Variants in CCDC88C observed in about 807,000 individuals in gnomAD.
The protein encoded by CCDC88C is protein Daple.
In CCDC88C, 131 loss-of-function variants were observed where a neutral mutation model predicts 198.8. The ratio of observed to expected loss-of-function variants is 0.66; its 90% CI spans 0.57 to 0.76. The LOEUF is 0.76. Ranked by LOEUF, CCDC88C falls within the 30% of genes least tolerant of loss-of-function variation. The probability of loss-of-function intolerance (pLI) is 0.00; values close to 1 mark genes in which losing one functional copy is unlikely to be tolerated. For synonymous variants in CCDC88C, 1,166 were observed against 1,114.7 expected (o/e 1.05, Z -0.92); for missense variants, 2,553 against 2,631.6 (o/e 0.97, Z 0.65).
At chr14:91,327,854 G>A (rs1489188828) in intron 10 of CCDC88C, among the ~76,000 whole-genome samples, 1 of 152,180 alleles carries the variant, frequency 6.6e-6, no homozygotes, top group African/African-American at 2.4e-5. Context: ...GCTGCCTGCT[G>A]CTTCACCCTC....
At chr14:91,289,006 C>G (rs913312815) in intron 25 of CCDC88C, 99 bp downstream of exon 25, 1 of 960,706 alleles carries the variant, frequency 1.0e-6, no homozygotes, top group South Asian at 1.4e-5. Context: ...AGTCACCCAC[C>G]CCTGGCACGT....
chr14:91,375,885 C>T (rs571124030), intron 3 of CCDC88C, among the ~76,000 whole-genome samples: 66 of 152,340 alleles, frequency 4.3e-4, no homozygotes, highest in Middle Eastern at 6.8e-3. Context: ...GGGCAGGTGC[C>T]GTAACTGTGC....
At chr14:91,280,375 C>A (rs1567047217) in intron 27 of CCDC88C, among the ~76,000 whole-genome samples, 1 of 152,204 alleles carries the variant, frequency 6.6e-6, no homozygotes, top group Non-Finnish European at 1.5e-5. Context: ...CACCTGCTAG[C>A]AAATATGTTT....
chr14:91,369,894 T>C (rs1894709818), intron 3 of CCDC88C, among the ~76,000 whole-genome samples: 2 of 152,138 alleles, frequency 1.3e-5, no homozygotes, highest in Non-Finnish European at 2.9e-5. Context: ...CGTGTCTCCG[T>C]ACCCAGGGAC....
chr14:91,408,641 C>G lies in CCDC88C; in HGVS notation c.270+18G>C. The G allele has an allele frequency of 6.7e-7, 1 of 1,483,170 alleles. No individual in the cohort carries two copies. The highest frequency in any genetic ancestry group is 1.7e-5 in the Admixed American group (1 of 59,718). 91.9% of individuals were successfully genotyped at this position (1,483,170 alleles called of 1,614,324 possible). On this transcript the variant is annotated intron_variant, in intron 3 of 29. Coordinates refer to ENST00000389857, the MANE Select transcript of CCDC88C (RefSeq NM_001080414.4). ...GATGGACACACATCAGAATTCCCGA[C>G]AGCAGAACTGCCCTTACCTGGTAGT...
chr14:91,331,517 T>A (rs1000162889), intron 10 of CCDC88C, among the ~76,000 whole-genome samples: 4 of 151,884 alleles, frequency 2.6e-5, no homozygotes, highest in Non-Finnish European at 4.4e-5. Flanking sequence ...AGAGTGTGCA[T>A]GTGCACACGT....
At position 91,273,454 on chromosome 14, in the gene CCDC88C, G is replaced by T. The variant is rs1281387913; in HGVS notation, c.5258C>A (p.Pro1753Gln). The T allele has an allele frequency of 6.3e-7, 1 of 1,589,924 alleles. No homozygotes were observed. The highest frequency in any genetic ancestry group is 1.8e-5 in the Admixed American group (1 of 56,528). The change falls in exon 30 of 30, where the codon CCA (proline) becomes CAA (glutamine). Residue 1753 changes from proline (P) to glutamine (Q), a missense_variant. Physicochemically the swap from Pro to Gln is moderately conservative, Grantham distance 76 (BLOSUM62 -1). Around this residue, in one of 2 missense-constraint regions of CCDC88C, gnomAD observed 1,293 missense variants for 1,219.6 expected, o/e 1.06. Coordinates refer to ENST00000389857, the MANE Select transcript of CCDC88C (RefSeq NM_001080414.4). The surrounding 1 kb of genome is among the most constrained non-coding windows in gnomAD (Gnocchi z 5.6). ...CTCGGCCTCAGTCAGTCTGAAGTTTGGCTTTACGTACTGCCCGGGCTTCAG... is the reference window on the plus strand; with the variant it reads ...CTCGGCCTCAGTCAGTCTGAAGTTTTGCTTTACGTACTGCCCGGGCTTCAG... ...RPLKPGQYVK[P>Q]NFRLTEAEAP...
intron 3 of CCDC88C, among the ~76,000 whole-genome samples, chr14:91,385,489 T>C (rs1304234857): frequency 6.6e-6 from 1 of 152,174 alleles, no homozygotes; most frequent in Non-Finnish European, 1.5e-5. Flanking sequence ...TCTCGCAGCT[T>C]GCCCAGCCCT....
At position 91,273,126 on chromosome 14, in the gene CCDC88C, T is replaced by C. The variant is rs777198297; in HGVS notation, c.5586A>G (p.Pro1862=). ...AGGAGCTGCCAGCCTTTCCCACAAG[T>C]GGGGTCCGCTCCCGGGCCAGGCTAT... is the stretch of plus-strand genomic sequence containing the variant. ...SSHSLARERT[P]LVGKAGSSCQ... The change falls in exon 30 of 30, where the codon CCA becomes CCG. Residue 1862 remains proline, a synonymous_variant. Coordinates refer to ENST00000389857, the MANE Select transcript of CCDC88C (RefSeq NM_001080414.4). The surrounding 1 kb of genome is among the most constrained non-coding windows in gnomAD (Gnocchi z 5.6). 3.8e-6 allele frequency: 6 copies of C among 1,574,098 alleles called. No individual in the cohort carries two copies. The South Asian group carries it at 5.8e-5, about 15-fold the overall frequency.
Position 91,352,387 on chromosome 14 carries a change from C to T in CCDC88C, c.340+7255G>A, listed in dbSNP as rs1209552751. ...TCCTAGGAAAGGAAAGCCTCGGCTCCTGGCTTAAGTGCCCCAGCACCGCAC... is the reference window on the plus strand; with the variant it reads ...TCCTAGGAAAGGAAAGCCTCGGCTCTTGGCTTAAGTGCCCCAGCACCGCAC... On this transcript the variant is annotated intron_variant, in intron 4 of 29. Transcript: ENST00000389857. This position sits in a 1 kb window ranked among gnomAD's most constrained non-coding sequence, Gnocchi z 4.2. Among the ~76,000 whole-genome samples, 1 of 152,214 alleles carries T rather than the reference C, an allele frequency of 6.6e-6. No homozygotes were observed. Among genetic ancestry groups the T allele is most frequent in the Non-Finnish European group, 1.5e-5 (1 of 68,040 alleles).
At chr14:91,398,153 C>A (rs1302462245) in intron 3 of CCDC88C, among the ~76,000 whole-genome samples, 1 of 152,162 alleles carries the variant, frequency 6.6e-6, no homozygotes, top group East Asian at 1.9e-4. Context: ...GATCTGAGTC[C>A]CACAGTTCCT....
rs749559761 is a variant in CCDC88C at position 91,315,674 on chromosome 14, G to C, written c.1641C>G (p.Thr547=). 1.9e-6 allele frequency: 3 copies of C among 1,613,740 alleles called. No individual in the cohort carries two copies. Among genetic ancestry groups the C allele is most frequent in the Non-Finnish European group, 2.5e-6 (3 of 1,179,876 alleles). Residue 547 remains threonine (T), a synonymous_variant, in exon 14 of 30, where the codon ACC becomes ACG. Transcript: ENST00000389857. ...CCTGCCTGGCTTTGTCAGCCTTCAG[G>C]GTCTCCATGTCACTCTGCAGCTGCT... ...EKEQLQSDME[T]LKADKARQIK...
chr14:91,374,077 G>A (rs575569231), intron 3 of CCDC88C, among the ~76,000 whole-genome samples: 2 of 152,364 alleles, frequency 1.3e-5, no homozygotes, highest in East Asian at 1.9e-4. Flanking sequence ...GCACAGTGTG[G>A]CCCACAGCAG....
intron 3 of CCDC88C, among the ~76,000 whole-genome samples, chr14:91,387,185 G>A (rs1464572911): frequency 1.3e-5 from 2 of 152,038 alleles, no homozygotes; most frequent in Admixed American, 1.3e-4. Flanking sequence ...TCAACCACGG[G>A]GCTCTAAACA....
chr14:91,303,606 C>G, intron 20 of CCDC88C, 95 bp downstream of exon 20: 1 of 1,322,618 alleles, frequency 7.6e-7, no homozygotes, highest in Non-Finnish European at 1.0e-6. Context: ...CCCTAGGTCC[C>G]ACCCATCTAC....
chr14:91,283,475 CCT>C lies in CCDC88C; in HGVS notation c.4482_4483del (p.Gly1495GlnfsTer3). 6.2e-7 allele frequency: 1 copy of C among 1,612,936 alleles called. No homozygotes were observed. Among genetic ancestry groups the C allele is most frequent in the Non-Finnish European group, 8.5e-7 (1 of 1,179,522 alleles). On this transcript the variant is annotated frameshift_variant, in exon 26 of 30. Coordinates refer to ENST00000389857, the MANE Select transcript of CCDC88C (RefSeq NM_001080414.4). LOFTEE classifies it high-confidence loss of function. ...GGAGGCATCTGTGCGGTCAAGGCTGCCTCTGTGTGGGGAGCCTCGCTTTGGTT... is the reference window on the plus strand; with the variant it reads ...GGAGGCATCTGTGCGGTCAAGGCTGCCTGTGTGGGGAGCCTCGCTTTGGTT...
chr14:91,339,815 G>A lies in CCDC88C; in HGVS notation c.624+69C>T. The A allele has an allele frequency of 3.4e-6, 5 of 1,470,234 alleles. No homozygotes were observed. The highest frequency in any genetic ancestry group is 4.5e-6 in the Non-Finnish European group (5 of 1,105,462). 91.1% of individuals were successfully genotyped at this position (1,470,234 alleles called of 1,614,324 possible). On this transcript the variant is annotated intron_variant, in intron 7 of 29. Coordinates refer to ENST00000389857, the MANE Select transcript of CCDC88C (RefSeq NM_001080414.4). The surrounding 1 kb of genome is among the most constrained non-coding windows in gnomAD (Gnocchi z 5.8). ...GGACCGAGGCGTCTAGGCTGAAGAT[G>A]AAGGGAGAGGAGATGAAGGGGCCTA...
rs936664526 is a variant in CCDC88C, at chr14:91,322,663, A to T, written c.1343-1359T>A. Among the ~76,000 whole-genome samples the T allele has an allele frequency of 2.0e-5, 3 of 152,242 alleles. No homozygotes were observed. In the East Asian group the frequency reaches 5.8e-4, roughly 29 times the overall value. ...TTTAAAATTACAGAAAAATATATTT[A>T]AAAAGTACCATTTTAGCCATTTTAA... On this transcript the variant is annotated intron_variant, in intron 12 of 29. Transcript: ENST00000389857.
chr14:91,305,884 G>A lies in CCDC88C; in HGVS notation c.3238C>T (p.Leu1080=). The change falls in exon 19 of 30, where the codon CTG becomes TTG. Residue 1080 remains leucine, a synonymous_variant. Transcript: ENST00000389857. ...ACGTTCTGGGTCTCCAGGTGCTGCA[G>A]CTGTTCCTTTAGCAGCTGCTTCTCA... ...QAEKQLLKEQ[L]QHLETQNVTF... is the part of the protein sequence containing the mutation. 6.2e-7 allele frequency: 1 copy of A among 1,613,940 alleles called. No homozygotes were observed. The highest frequency in any genetic ancestry group is 8.5e-7 in the Non-Finnish European group (1 of 1,179,900).
Sources: allele counts gnomAD v4.1 joint callset (sites outside exome capture counted in the v4.1 genomes callset), GRCh38; gene constraint gnomAD v4.1.1; regional missense constraint gnomAD v4.1.1; non-coding constraint Gnocchi (gnomAD v3.1); transcripts MANE v1.5; gene names NCBI Gene and HGNC (gene_info 2026-07-23, HGNC 2026-07-21).